Variants in ATP8A2 observed in about 807,000 individuals in gnomAD.
ATP8A2 encodes the protein ATPase phospholipid transporting 8A2.
Under a neutral mutation model 165.6 loss-of-function variants are expected in ATP8A2, and 100 were observed. That is an observed-to-expected ratio of 0.60 (90% confidence interval 0.51 to 0.71). ATP8A2 has a LOEUF of 0.71. Ranked by LOEUF, ATP8A2 falls within the 30% of genes least tolerant of loss-of-function variation. The pLI, the probability that ATP8A2 is intolerant of heterozygous loss-of-function variation, is 0.00. For synonymous variants in ATP8A2, 543 were observed against 548.8 expected, an observed-to-expected ratio of 0.99 and a Z score of 0.15; for missense variants, 1,227 against 1,479.5, an observed-to-expected ratio of 0.83 and a Z score of 2.80.
chr13:25,686,347 C>T (rs1311596302), intron 24 of ATP8A2, among the ~76,000 whole-genome samples: 1 of 152,178 alleles, frequency 6.6e-6, no homozygotes, highest in Non-Finnish European at 1.5e-5. Flanking sequence ...GTCTCCAAAC[C>T]AGAAACTTAT....
intron 2 of ATP8A2, among the ~76,000 whole-genome samples, chr13:25,523,899 T>A (rs1037907343): frequency 6.6e-6 from 1 of 152,078 alleles, no homozygotes; most frequent in Admixed American, 6.6e-5. Context: ...TTCTACTAAT[T>A]TTGGGTTTCA....
chr13:26,009,687 G>A (rs569095587), intron 35 of ATP8A2, among the ~76,000 whole-genome samples: 2 of 152,248 alleles, frequency 1.3e-5, no homozygotes, highest in South Asian at 4.2e-4. Flanking sequence ...GTACCTCCTT[G>A]GCTGTGGACC....
chr13:25,524,138 T>C (rs2037759522), intron 2 of ATP8A2, among the ~76,000 whole-genome samples: 1 of 152,170 alleles, frequency 6.6e-6, no homozygotes, highest in South Asian at 2.1e-4. Context: ...GAGGAACATG[T>C]TATTTAATTT....
At chr13:25,869,068 C>CAAAA (rs60945309) in intron 33 of ATP8A2, among the ~76,000 whole-genome samples, 2 of 72,342 alleles carry the variant, frequency 2.8e-5, no homozygotes, top group Non-Finnish European at 2.6e-5. Context: ...GACTCCGTCT[C>CAAAA]AAAAAAAAAA....
At chr13:25,961,357 G>C (rs540355555) in intron 33 of ATP8A2, among the ~76,000 whole-genome samples, 1 of 152,222 alleles carries the variant, frequency 6.6e-6, no homozygotes, top group Non-Finnish European at 1.5e-5. Context: ...AAGGGCACAC[G>C]TCAAACTAGA....
intron 27 of ATP8A2, among the ~76,000 whole-genome samples, chr13:25,800,101 C>T (rs967961805): frequency 6.6e-6 from 1 of 152,208 alleles, no homozygotes; most frequent in African/African-American, 2.4e-5. Context: ...ACTCCTAAGT[C>T]CCTGTTAGAT....
chr13:25,598,532 A>G (rs1409689489), intron 24 of ATP8A2, among the ~76,000 whole-genome samples: 8 of 152,176 alleles, frequency 5.3e-5, no homozygotes, highest in Admixed American at 5.2e-4. Context: ...TCTCAGCAGT[A>G]TTTTGTAGTT....
intron 16 of ATP8A2, among the ~76,000 whole-genome samples, chr13:25,569,428 A>T (rs2039404953): frequency 6.6e-6 from 1 of 152,222 alleles, no homozygotes; most frequent in African/African-American, 2.4e-5. Flanking sequence ...AGAAAACTCC[A>T]TCAAAAGAGG....
intron 2 of ATP8A2, among the ~76,000 whole-genome samples, chr13:25,506,759 G>T (rs1003281648): frequency 6.6e-6 from 1 of 151,822 alleles, no homozygotes; most frequent in African/African-American, 2.4e-5. Flanking sequence ...CTGGCCTGAA[G>T]GTTATTTTAT....
intron 25 of ATP8A2, among the ~76,000 whole-genome samples, chr13:25,706,971 G>A (rs17082675): frequency 0.062 from 9,440 of 152,044 alleles, 921 homozygotes; most frequent in African/African-American, 0.21. Flanking sequence ...TTAAGGATGA[G>A]AGCGCTCAGA....
Position 25,672,449 on chromosome 13 carries a change from G to A in ATP8A2, c.2212-26724G>A, listed in dbSNP as rs557736360. Reference sequence around the variant, plus strand: ...GCAGAGTCTTTCCATTTCTCTTTGGGGTGGGAATGGAGGCAGGAAGATATT... The same window carrying A: ...GCAGAGTCTTTCCATTTCTCTTTGGAGTGGGAATGGAGGCAGGAAGATATT... On this transcript the variant is annotated intron_variant, in intron 24 of 36. Coordinates refer to ENST00000381655, the MANE Select transcript of ATP8A2 (RefSeq NM_016529.6). Among the ~76,000 whole-genome samples, 3 of 152,020 alleles carry A rather than the reference G, an allele frequency of 2.0e-5. No individual in the cohort carries two copies. In the South Asian group the frequency reaches 6.3e-4, roughly 32 times the overall value.
At chr13:25,797,234 C>T (rs954420695) in intron 27 of ATP8A2, among the ~76,000 whole-genome samples, 25 of 152,146 alleles carry the variant, frequency 1.6e-4, no homozygotes, top group Admixed American at 1.4e-3. Context: ...CACCATTGCA[C>T]TCCAGCCCGG....
intron 1 of ATP8A2, among the ~76,000 whole-genome samples, chr13:25,383,051 A>C (rs185620802): frequency 1.5e-5 from 2 of 137,190 alleles, no homozygotes; most frequent in Admixed American, 1.5e-4. Flanking sequence ...CACCACACCC[A>C]GCCTTTTCTT....
At chr13:25,614,069 C>T (rs751921204) in intron 24 of ATP8A2, among the ~76,000 whole-genome samples, 6 of 152,184 alleles carry the variant, frequency 3.9e-5, no homozygotes, top group Non-Finnish European at 7.3e-5. Flanking sequence ...TTCCTGTAGT[C>T]TAGATCTCTA....
At chr13:25,597,578 G>A (rs1270103342) in intron 24 of ATP8A2, among the ~76,000 whole-genome samples, 1 of 152,176 alleles carries the variant, frequency 6.6e-6, no homozygotes, top group Admixed American at 6.5e-5. Context: ...ACCTCAGTCC[G>A]ACAATCACCA....
rs1566191240 is a variant in ATP8A2, at chr13:25,839,613, C to T, written c.2945C>T (p.Ala982Val). Reference protein sequence around the residue: ...SLILFWFPMKALEHDTVLTSG... With the variant: ...SLILFWFPMKVLEHDTVLTSG... ...ATCCTCTTCTGGTTTCCCATGAAAGCTCTGGAGCATGGTAAGGGCTGTGTG... is the reference window on the plus strand; with the variant it reads ...ATCCTCTTCTGGTTTCCCATGAAAGTTCTGGAGCATGGTAAGGGCTGTGTG... The change falls in exon 30 of 37, where the codon GCT becomes GTT. Residue 982 changes from alanine to valine, a missense_variant. By Grantham distance (64) the Ala-to-Val change is moderately conservative. Around this residue, in one of 5 missense-constraint regions of ATP8A2, gnomAD observed 260 missense variants for 245.1 expected, o/e 1.06. Transcript: ENST00000381655. The T allele has an allele frequency of 6.2e-7, 1 of 1,613,686 alleles. No individual in the cohort carries two copies. The highest frequency in any genetic ancestry group is 1.3e-5 in the African/African-American group (1 of 75,018).
At chr13:25,561,674 T>C (rs1358536652) in intron 15 of ATP8A2, among the ~76,000 whole-genome samples, 1 of 152,240 alleles carries the variant, frequency 6.6e-6, no homozygotes, top group Non-Finnish European at 1.5e-5. Flanking sequence ...AAATGTACAA[T>C]TCAGTTGCAC....
chr13:25,588,783 G>A (rs1342479743), intron 23 of ATP8A2, among the ~76,000 whole-genome samples: 1 of 152,206 alleles, frequency 6.6e-6, no homozygotes, highest in Non-Finnish European at 1.5e-5. Context: ...ACCCCCCAAG[G>A]CACTGAGAGG....
At chr13:25,645,617 CT>C (rs1167133415) in intron 24 of ATP8A2, among the ~76,000 whole-genome samples, 1 of 151,956 alleles carries the variant, frequency 6.6e-6, no homozygotes, top group African/African-American at 2.4e-5. Flanking sequence ...GTTGTGTTTC[CT>C]TTTTTGTTTG....
Sources: allele counts gnomAD v4.1 joint callset (sites outside exome capture counted in the v4.1 genomes callset), GRCh38; gene constraint gnomAD v4.1.1; regional missense constraint gnomAD v4.1.1; transcripts MANE v1.5; gene names NCBI Gene and HGNC (gene_info 2026-07-23, HGNC 2026-07-21).